The following DENND1A variants were observed in gnomAD, a reference collection of about 807,000 sequenced individuals.
DENND1A encodes DENN domain-containing protein 1A.
DENND1A carries 51 observed loss-of-function variants against 113.7 expected under a neutral mutation model. That is an observed-to-expected ratio of 0.45 (90% CI 0.36 to 0.57). DENND1A has a LOEUF of 0.57. Among genes scored for constraint, DENND1A ranks in the 20% least tolerant of loss-of-function variants. DENND1A has a pLI of 0.00. For synonymous variants in DENND1A, 565 were observed against 570.8 expected (o/e 0.99, Z 0.14); for missense variants, 1,258 against 1,395.9 (o/e 0.90, Z 1.57).
intron 2 of DENND1A, among the ~76,000 whole-genome samples, chr9:123,854,949 C>T (rs1205452491): frequency 4.0e-5 from 6 of 150,956 alleles, no homozygotes; most frequent in Non-Finnish European, 8.8e-5. Flanking sequence ...TACTCTAAAT[C>T]TCTTTTCTAC....
chr9:123,384,013 C>A, intron 22 of DENND1A, 100 bp from the exon 23 acceptor site: 2 of 1,482,796 alleles, frequency 1.3e-6, no homozygotes, highest in Non-Finnish European at 1.8e-6. Context: ...GGGGTGCACG[C>A]AGGGGCCTGC....
chr9:123,793,128 ACT>A (rs1453427679), intron 2 of DENND1A, among the ~76,000 whole-genome samples: 1 of 152,118 alleles, frequency 6.6e-6, no homozygotes, highest in Admixed American at 6.5e-5. Context: ...ATGCTTGTAC[ACT>A]CTTATGAAAA....
chr9:123,611,416 T>A (rs940267956), intron 10 of DENND1A, among the ~76,000 whole-genome samples: 2 of 152,176 alleles, frequency 1.3e-5, no homozygotes, highest in Non-Finnish European at 2.9e-5. Flanking sequence ...CACGACAGCT[T>A]CAATGTCAAA....
Position 123,810,821 on chromosome 9 carries a change from C to T in DENND1A, c.89-18191G>A, listed in dbSNP as rs141759452. Among the ~76,000 whole-genome samples, 1,101 of 149,068 alleles carry T rather than the reference C, an allele frequency of 7.4e-3. 7 individuals carry two copies. The highest frequency in any genetic ancestry group is 0.033 in the South Asian group (156 of 4,720). The stretch of plus-strand genomic sequence containing the variant: ...TCACCCAGGCTGGAGTGCAGTGGTG[C>T]AATCTTGGCTCACTGCAACCTCTGC... On this transcript the variant is annotated intron_variant, in intron 2 of 23. Transcript: ENST00000394215.
intron 13 of DENND1A, among the ~76,000 whole-genome samples, chr9:123,527,537 C>T (rs1190342733): frequency 6.6e-6 from 1 of 152,136 alleles, no homozygotes; most frequent in African/African-American, 2.4e-5. Flanking sequence ...CCCTGGCTAC[C>T]CCACTCATTT....
At chr9:123,687,127 G>A (rs1033095569) in intron 5 of DENND1A, among the ~76,000 whole-genome samples, 1 of 152,160 alleles carries the variant, frequency 6.6e-6, no homozygotes, top group Non-Finnish European at 1.5e-5. Context: ...AAGAAAGGAA[G>A]AAGGAGAGAC....
At chr9:123,745,410 G>A (rs1003370743) in intron 5 of DENND1A, among the ~76,000 whole-genome samples, 4 of 152,204 alleles carry the variant, frequency 2.6e-5, no homozygotes, top group Non-Finnish European at 4.4e-5. Context: ...GTATGCTGGC[G>A]AGTCTTCTTT....
chr9:123,521,754 A>G (rs2054412439), intron 13 of DENND1A, among the ~76,000 whole-genome samples: 1 of 152,156 alleles, frequency 6.6e-6, no homozygotes, highest in Admixed American at 6.5e-5. Context: ...CTGGGATCAG[A>G]CTGGGATCTA....
intron 5 of DENND1A, among the ~76,000 whole-genome samples, chr9:123,707,861 T>C (rs7867502): frequency 0.11 from 16,722 of 152,152 alleles, 1,261 homozygotes; most frequent in African/African-American, 0.2. Context: ...AATAGCTACA[T>C]GCTTCCACAA....
intron 3 of DENND1A, among the ~76,000 whole-genome samples, chr9:123,788,180 G>A (rs1230937173): frequency 3.9e-5 from 6 of 152,198 alleles, no homozygotes; most frequent in East Asian, 3.9e-4. Flanking sequence ...ACGTGTTTTC[G>A]TATAAGAAGT....
At chr9:123,474,468 G>T (rs1299808178) in intron 13 of DENND1A, among the ~76,000 whole-genome samples, 1 of 152,186 alleles carries the variant, frequency 6.6e-6, no homozygotes, top group Non-Finnish European at 1.5e-5. Flanking sequence ...TAAGCAAAAA[G>T]CTCAAATATT....
At chr9:123,654,400 C>T (rs886936427) in intron 8 of DENND1A, among the ~76,000 whole-genome samples, 3 of 152,132 alleles carry the variant, frequency 2.0e-5, no homozygotes, top group African/African-American at 4.8e-5. Flanking sequence ...CAAGAGTCTG[C>T]CAAGAAGCTT....
intron 11 of DENND1A, 113 bp downstream of exon 11, chr9:123,609,323 T>C: frequency 8.5e-7 from 1 of 1,171,576 alleles, no homozygotes; most frequent in East Asian, 2.4e-5. Context: ...AGGTGCTGCT[T>C]CAGCATGCTC....
chr9:123,734,957 A>G (rs1185271698), intron 5 of DENND1A, among the ~76,000 whole-genome samples: 1 of 152,212 alleles, frequency 6.6e-6, no homozygotes, highest in Non-Finnish European at 1.5e-5. Flanking sequence ...GATCCTCGCT[A>G]CAATCCTCCA....
At chr9:123,639,146 A>G (rs2061887718) in intron 9 of DENND1A, among the ~76,000 whole-genome samples, 1 of 151,646 alleles carries the variant, frequency 6.6e-6, no homozygotes, top group Non-Finnish European at 1.5e-5. Flanking sequence ...AACCTTAGAA[A>G]GTGACTGTAG....
chr9:123,486,809 C>T (rs1455525742), intron 13 of DENND1A, among the ~76,000 whole-genome samples: 5 of 152,156 alleles, frequency 3.3e-5, no homozygotes, highest in Non-Finnish European at 5.9e-5. Context: ...ATTGACCACA[C>T]ATTTGCCTCT....
At chr9:123,526,174 C>T (rs2054825669) in intron 13 of DENND1A, among the ~76,000 whole-genome samples, 1 of 151,534 alleles carries the variant, frequency 6.6e-6, no homozygotes, top group South Asian at 2.1e-4. Context: ...CACATGTGCA[C>T]ACACACACAC....
intron 2 of DENND1A, among the ~76,000 whole-genome samples, chr9:123,797,739 A>G (rs1302651847): frequency 1.3e-5 from 2 of 152,158 alleles, no homozygotes; most frequent in African/African-American, 2.4e-5. Context: ...TACAAATAAT[A>G]TATTTTTGAA....
At chr9:123,388,329 G>GA (rs1264033853) in intron 21 of DENND1A, among the ~76,000 whole-genome samples, 2 of 152,124 alleles carry the variant, frequency 1.3e-5, no homozygotes, top group African/African-American at 4.8e-5. Flanking sequence ...AAAATTCATA[G>GA]AAAAAAGACT....
Sources: gnomAD v4.1 joint callset for allele counts (sites outside exome capture counted in the v4.1 genomes callset) on GRCh38, gnomAD v4.1.1 for gene constraint, MANE v1.5 for transcripts, NCBI Gene and HGNC (gene_info 2026-07-23, HGNC 2026-07-21) for gene names.